The following RGSL1 variants were observed in gnomAD, a reference collection of about 807,000 sequenced individuals.
RGSL1 encodes regulator of G protein signaling protein-like.
In RGSL1, 97 loss-of-function variants were observed where a neutral mutation model predicts 124.7. That is an observed-to-expected ratio of 0.78 (90% CI 0.66 to 0.92). The LOEUF is 0.92. Ranked by LOEUF, RGSL1 falls within the 40% of genes least tolerant of loss-of-function variation. The pLI is 0.00. For missense variants in RGSL1, 1,233 were observed against 1,288.4 expected (o/e 0.96, Z 0.66); for synonymous variants, 424 against 438.1 (o/e 0.97, Z 0.40).
intron 6 of RGSL1, among the ~76,000 whole-genome samples, chr1:182,476,801 C>T (rs1314534312): frequency 2.6e-5 from 4 of 152,190 alleles, no homozygotes. Context: ...ACCCCCACCC[C>T]ATGCTCATCA....
At chr1:182,545,471 T>G (rs1660151794) in intron 15 of RGSL1, among the ~76,000 whole-genome samples, 1 of 152,232 alleles carries the variant, frequency 6.6e-6, no homozygotes, top group Admixed American at 6.5e-5. Context: ...TATTCTAGAT[T>G]GGTCTGTGCA....
At chr1:182,479,609 AAAC>A (rs1191064649) in intron 6 of RGSL1, among the ~76,000 whole-genome samples, 4 of 152,190 alleles carry the variant, frequency 2.6e-5, no homozygotes, top group Non-Finnish European at 4.4e-5. Flanking sequence ...ACAAAACAGA[AAAC>A]AATTAACAAA....
intron 6 of RGSL1, among the ~76,000 whole-genome samples, chr1:182,476,803 T>G (rs1023076434): frequency 1.3e-5 from 2 of 148,818 alleles, no homozygotes; most frequent in East Asian, 2.1e-4. Context: ...CCCCACCCCA[T>G]GCTCATCATC....
intron 18 of RGSL1, among the ~76,000 whole-genome samples, chr1:182,552,303 C>T (rs936902165): frequency 2.6e-5 from 4 of 151,940 alleles, no homozygotes; most frequent in African/African-American, 9.7e-5. Flanking sequence ...TTAGTAGAGA[C>T]GGGGGTTTCA....
chr1:182,527,449 T>C, intron 10 of RGSL1, 130 bp from the exon 11 acceptor site: 1 of 700,662 alleles, frequency 1.4e-6, no homozygotes, highest in African/African-American at 1.8e-5. Context: ...AGCCAATCCA[T>C]CCACAATGCT....
In RGSL1 at chr1:182,504,841, A is replaced by G. The variant is rs4651123; in HGVS notation, c.1825+11712A>G. Among the ~76,000 whole-genome samples the G allele has an allele frequency of 5.7e-3, 865 of 152,256 alleles. 23 individuals carry two copies. The highest frequency in any genetic ancestry group is 0.039 in the Admixed American group (593 of 15,286). Reference sequence around the variant, plus strand: ...GGCTCTGTGTTGGGATGCTCTTTCAACACTTAGCTAGCTAGACCACTTATA... The same window carrying G: ...GGCTCTGTGTTGGGATGCTCTTTCAGCACTTAGCTAGCTAGACCACTTATA... On this transcript the variant is annotated intron_variant, in intron 9 of 21. Transcript: ENST00000294854.
At chr1:182,459,917 G>A (rs1309745617) in intron 3 of RGSL1, 87 bp from the exon 4 acceptor site, 3 of 1,464,174 alleles carry the variant, frequency 2.0e-6, no homozygotes, top group Admixed American at 2.2e-5. Context: ...GCAAGTGTGA[G>A]GTGATTAGTT....
At chr1:182,487,525 G>A (rs1040720185) in intron 6 of RGSL1, among the ~76,000 whole-genome samples, 2 of 152,296 alleles carry the variant, frequency 1.3e-5, no homozygotes, top group South Asian at 2.1e-4. Flanking sequence ...CTTCCCTGTG[G>A]TGAGCTCCTA....
In RGSL1 at chr1:182,460,020, G is replaced by C. The variant is rs551932979; in HGVS notation, c.188G>C (p.Gly63Ala). Reference sequence around the variant, plus strand: ...TGACTCTAGATTGCCAAATACAAAGGGTTATTGACCTGGTTGGAAAAATGC... The same window carrying C: ...TGACTCTAGATTGCCAAATACAAAGCGTTATTGACCTGGTTGGAAAAATGC... ...IPCNLIAKYK[G>A]LLTWLEKCRL... Residue 63 changes from glycine (G) to alanine (A), a missense_variant, in exon 4 of 22, where the codon GGG (glycine) becomes GCG (alanine). Transcript: ENST00000294854. The C allele has an allele frequency of 5.2e-5, 81 of 1,551,432 alleles. No homozygotes were observed. Among genetic ancestry groups the C allele is most frequent in the Admixed American group, 2.2e-4 (11 of 50,954 alleles).
intron 9 of RGSL1, among the ~76,000 whole-genome samples, chr1:182,513,616 G>T (rs948450888): frequency 6.6e-6 from 1 of 152,134 alleles, no homozygotes; most frequent in Admixed American, 6.5e-5. Context: ...GGGGTTTGTG[G>T]ACTTGCATGG....
rs761547637 is a variant in RGSL1 at position 182,530,233 on chromosome 1, G to A, written c.2126-11G>A. 2.8e-5 allele frequency: 43 copies of A among 1,539,428 alleles called. No individual in the cohort carries two copies. In the Middle Eastern group the frequency reaches 8.4e-4, roughly 30 times the overall value. ...AGGATTACAGCTTCTTTTCTCTCTT[G>A]CATTTTCTAGAAGAAATGCTGCAGT... On this transcript the variant is annotated splice_polypyrimidine_tract_variant and intron_variant, in intron 11 of 21. Coordinates refer to ENST00000294854, the MANE Select transcript of RGSL1 (RefSeq NM_001137669.2).
chr1:182,539,741 A>G (rs1659767114), intron 14 of RGSL1, among the ~76,000 whole-genome samples: 1 of 152,212 alleles, frequency 6.6e-6, no homozygotes, highest in African/African-American at 2.4e-5. Context: ...CAAATCTTCT[A>G]GTGGCTCTTG....
intron 9 of RGSL1, among the ~76,000 whole-genome samples, chr1:182,499,150 G>C (rs964839726): frequency 4.6e-5 from 7 of 152,162 alleles, no homozygotes; most frequent in African/African-American, 1.7e-4. Context: ...TGTATGTTCT[G>C]TTGTTTTGGG....
At chr1:182,524,683 T>A (rs2102246891) in intron 10 of RGSL1, among the ~76,000 whole-genome samples, 1 of 152,314 alleles carries the variant, frequency 6.6e-6, no homozygotes, top group South Asian at 2.1e-4. Context: ...GTGCCAGCCA[T>A]CTTGCTGCCA....
At chr1:182,472,158 T>C (rs1354084772) in intron 4 of RGSL1, among the ~76,000 whole-genome samples, 1 of 152,148 alleles carries the variant, frequency 6.6e-6, no homozygotes, top group East Asian at 1.9e-4. Context: ...TGATGGTTTT[T>C]CTAACACCAG....
chr1:182,470,555 C>A (rs1289415298), intron 4 of RGSL1, among the ~76,000 whole-genome samples: 1 of 152,198 alleles, frequency 6.6e-6, no homozygotes, highest in East Asian at 1.9e-4. Flanking sequence ...AATCTTGTCT[C>A]CTCATTGAAC....
intron 17 of RGSL1, 141 bp downstream of exon 17, chr1:182,548,965 T>G: frequency 1.0e-6 from 1 of 998,292 alleles, no homozygotes. Flanking sequence ...CAAAATCCTA[T>G]TCACCTCACT....
At position 182,553,155 on chromosome 1, in the gene RGSL1, C is replaced by T. The variant is rs557949390; in HGVS notation, c.3044-300C>T. ...CTGACCTCAGGTGATCCACTTGCCT[C>T]GACCTCCTAAACTGCTGGGATTACA... On this transcript the variant is annotated intron_variant, in intron 18 of 21. Transcript: ENST00000294854. Among the ~76,000 whole-genome samples, 12 of 152,210 alleles carry T rather than the reference C, an allele frequency of 7.9e-5. No individual in the cohort carries two copies. The South Asian group carries it at 1.9e-3, about 24-fold the overall frequency.
chr1:182,450,819 T>C (rs74128925), intron 1 of RGSL1, among the ~76,000 whole-genome samples: 2,527 of 152,254 alleles, frequency 0.017, 68 homozygotes, highest in African/African-American at 0.058. Context: ...CATGTTAGAC[T>C]CTATGAATGA....
Sources: gnomAD v4.1 joint callset for allele counts (sites outside exome capture counted in the v4.1 genomes callset) on GRCh38, gnomAD v4.1.1 for gene constraint, MANE v1.5 for transcripts, NCBI Gene and HGNC (gene_info 2026-07-23, HGNC 2026-07-21) for gene names.